Variants in PPARGC1A observed in about 807,000 individuals in gnomAD.
PPARGC1A encodes peroxisome proliferator-activated receptor gamma coactivator 1-alpha.
Under a neutral mutation model 88.7 loss-of-function variants are expected in PPARGC1A, and 25 were observed. That is an observed-to-expected ratio of 0.28 (90% CI 0.21 to 0.39). The LOEUF (loss-of-function observed/expected upper bound fraction) is 0.39. Among genes scored for constraint, PPARGC1A ranks in the 10% least tolerant of loss-of-function variants. The pLI, the probability that PPARGC1A is intolerant of heterozygous loss-of-function variation, is 1.00. For synonymous variants in PPARGC1A, 363 were observed against 355.6 expected, an observed-to-expected ratio of 1.02 and a Z score of -0.24; for missense variants, 880 against 968.7, an observed-to-expected ratio of 0.91 and a Z score of 1.22.
chr4:23,801,898 A>G lies in PPARGC1A; in HGVS notation c.2142-17T>C. 1 of 1,612,666 alleles carries G rather than the reference A, an allele frequency of 6.2e-7. No homozygotes were observed. The highest frequency in any genetic ancestry group is 8.5e-7 in the Non-Finnish European group (1 of 1,178,824). On this transcript the variant is annotated splice_polypyrimidine_tract_variant and intron_variant, in intron 11 of 12. Coordinates refer to ENST00000264867, the MANE Select transcript of PPARGC1A (RefSeq NM_013261.5). The stretch of plus-strand genomic sequence containing the variant: ...TAGCTGTCTCTGCAACGGACAAAGA[A>G]AAGTTCAAAGCTGGTTAAGAAGTAT...
the PPARGC1A span, among the ~76,000 whole-genome samples, chr4:24,356,546 A>C: frequency 6.6e-6 from 1 of 152,194 alleles, no homozygotes; most frequent in Non-Finnish European, 1.5e-5. Context: ...AATACTTTTA[A>C]GTGACCAAGT....
chr4:24,032,876 G>C, the PPARGC1A span, among the ~76,000 whole-genome samples: 2 of 152,132 alleles, frequency 1.3e-5, no homozygotes, highest in African/African-American at 4.8e-5. Context: ...TGAATTTGTG[G>C]AACAGCTGCT....
At chr4:23,825,709 TAAA>T (rs1723800723) in intron 5 of PPARGC1A, among the ~76,000 whole-genome samples, 1 of 152,076 alleles carries the variant, frequency 6.6e-6, no homozygotes, top group Admixed American at 6.6e-5. Flanking sequence ...TTTACTTGGA[TAAA>T]TAGTATTTGC....
the PPARGC1A span, among the ~76,000 whole-genome samples, chr4:24,361,511 T>TTC: frequency 4.8e-4 from 73 of 152,062 alleles, no homozygotes; most frequent in African/African-American, 1.6e-3. Context: ...CTCTGCCTCT[T>TTC]TCTCTCTCTC....
At chr4:24,034,810 C>G in the PPARGC1A span, among the ~76,000 whole-genome samples, 3 of 152,154 alleles carry the variant, frequency 2.0e-5, no homozygotes, top group African/African-American at 7.2e-5. Flanking sequence ...CTTTTGCTCC[C>G]TTTGATCCAA....
chr4:24,173,338 CAAAAA>C, the PPARGC1A span, among the ~76,000 whole-genome samples: 14 of 117,576 alleles, frequency 1.2e-4, no homozygotes, highest in Non-Finnish European at 2.1e-4. Flanking sequence ...CTTTCCCCAC[CAAAAA>C]AAAAAAAAAA....
the PPARGC1A span, among the ~76,000 whole-genome samples, chr4:24,020,478 ACT>A: frequency 1.3e-5 from 2 of 151,682 alleles, no homozygotes; most frequent in Non-Finnish European, 1.5e-5. Context: ...TGTCTTAGAA[ACT>A]CTTATTTATT....
chr4:24,125,263 A>G, the PPARGC1A span, among the ~76,000 whole-genome samples: 4,318 of 152,196 alleles, frequency 0.028, 91 homozygotes, highest in Middle Eastern at 0.044. Flanking sequence ...CTCTTCAGAA[A>G]CTTGCCAGGT....
At chr4:23,980,717 C>T in the PPARGC1A span, among the ~76,000 whole-genome samples, 1 of 152,156 alleles carries the variant, frequency 6.6e-6, no homozygotes, top group Non-Finnish European at 1.5e-5. Flanking sequence ...CTCTCCACCA[C>T]ATAGGATGGA....
At chr4:24,467,640 T>A in the PPARGC1A span, among the ~76,000 whole-genome samples, 3 of 151,918 alleles carry the variant, frequency 2.0e-5, no homozygotes, top group African/African-American at 7.3e-5. Context: ...GCTATCCATA[T>A]TCATGGAGGT....
At chr4:24,406,829 C>T in the PPARGC1A span, among the ~76,000 whole-genome samples, 1 of 152,182 alleles carries the variant, frequency 6.6e-6, no homozygotes, top group African/African-American at 2.4e-5. Context: ...TGAGCCTGGC[C>T]ATCCAGCACC....
At chr4:24,433,268 G>A in the PPARGC1A span, among the ~76,000 whole-genome samples, 33 of 152,178 alleles carry the variant, frequency 2.2e-4, 1 homozygote, top group Admixed American at 1.6e-3. Flanking sequence ...CACTGTCCCT[G>A]TATGTTTTAT....
the PPARGC1A span, among the ~76,000 whole-genome samples, chr4:23,966,879 G>A: frequency 6.6e-6 from 1 of 152,158 alleles, no homozygotes; most frequent in African/African-American, 2.4e-5. Flanking sequence ...GTCTGGGAAT[G>A]GAGAGAGCCA....
At chr4:24,194,361 T>C in the PPARGC1A span, among the ~76,000 whole-genome samples, 4 of 152,266 alleles carry the variant, frequency 2.6e-5, no homozygotes, top group African/African-American at 9.6e-5. Context: ...AGAAGGTGTT[T>C]ACCTTGATAC....
the PPARGC1A span, among the ~76,000 whole-genome samples, chr4:24,427,673 A>T: frequency 6.6e-6 from 1 of 152,090 alleles, no homozygotes; most frequent in Admixed American, 6.5e-5. Context: ...GGGGTTCTCA[A>T]GGGGCTGTGA....
chr4:24,043,288 A>T, the PPARGC1A span, among the ~76,000 whole-genome samples: 2 of 152,252 alleles, frequency 1.3e-5, no homozygotes, highest in South Asian at 4.2e-4. Flanking sequence ...ATCTTACTAA[A>T]AGCACAGTCC....
chr4:23,881,455 A>G (rs1303559921), intron 2 of PPARGC1A: 1 of 152,180 alleles, frequency 6.6e-6, no homozygotes, highest in African/African-American at 2.4e-5. Flanking sequence ...ATTCAGCTTC[A>G]TTTTTTATCA....
chr4:23,867,961 A>G (rs1350573308), intron 2 of PPARGC1A, among the ~76,000 whole-genome samples: 1 of 152,236 alleles, frequency 6.6e-6, no homozygotes, highest in Non-Finnish European at 1.5e-5. Context: ...CAGCCAGGAA[A>G]TACGGGCACA....
At chr4:24,374,411 G>T in the PPARGC1A span, among the ~76,000 whole-genome samples, 125 of 152,196 alleles carry the variant, frequency 8.2e-4, no homozygotes, top group Non-Finnish European at 1.6e-3. Flanking sequence ...TCAGAGGGTG[G>T]GGGTGGAAGG....
Sources: allele counts gnomAD v4.1 joint callset (sites outside exome capture counted in the v4.1 genomes callset), GRCh38; gene constraint gnomAD v4.1.1; transcripts MANE v1.5; gene names NCBI Gene and HGNC (gene_info 2026-07-23, HGNC 2026-07-21).